Variants in CTSC observed in about 807,000 individuals in gnomAD.
CTSC encodes the protein dipeptidyl peptidase 1.
A neutral mutation model predicts 40.9 loss-of-function variants in CTSC; 37 were observed. The observed-to-expected ratio is 0.91, with a 90% CI of 0.70 to 1.19. The LOEUF is 1.19. Ranked by LOEUF, CTSC falls within the 50% of genes most tolerant of loss-of-function variation. The probability of loss-of-function intolerance (pLI) is 0.00; values close to 1 mark genes in which losing one functional copy is unlikely to be tolerated. For synonymous variants in CTSC, 232 were observed against 207.4 expected, an observed-to-expected ratio of 1.12 and a Z score of -1.02; for missense variants, 594 against 567.3, an observed-to-expected ratio of 1.05 and a Z score of -0.48.
At position 88,294,197 on chromosome 11, in the gene CTSC, C is replaced by T. The variant is rs200627023; in HGVS notation, c.1201G>A (p.Glu401Lys). The change falls in exon 7 of 7, where the codon GAG becomes AAG. Residue 401 changes from glutamate to lysine, a missense_variant. Coordinates refer to ENST00000227266, the MANE Select transcript of CTSC (RefSeq NM_001814.6). ...AGCAGAACAGCATGATTAGTCAGCT[C>T]AAAGGGGTTGAAAGGGTCTCTTAGA... ...TGLRDPFNPF[E>K]LTNHAVLLVG... 147 of 1,613,912 alleles carry T rather than the reference C, an allele frequency of 9.1e-5. No individual in the cohort carries two copies. The Middle Eastern group carries it at 2.3e-3, about 25-fold the overall frequency.
intron 5 of CTSC, 80 bp from the exon 6 acceptor site, chr11:88,296,344 C>T (rs1441282727): frequency 2.0e-6 from 3 of 1,537,470 alleles, no homozygotes; most frequent in Non-Finnish European, 2.7e-6. Flanking sequence ...TAGTGAATCA[C>T]ATACATTAAT....
chr11:88,303,034 T>C (rs989066129), intron 4 of CTSC, among the ~76,000 whole-genome samples: 3 of 152,198 alleles, frequency 2.0e-5, no homozygotes, highest in Non-Finnish European at 2.9e-5. Flanking sequence ...TCTTCTAAGA[T>C]GTATAAATAA....
intron 2 of CTSC, chr11:88,322,265 C>T (rs1203745207): frequency 1.3e-5 from 2 of 152,082 alleles, no homozygotes; most frequent in Non-Finnish European, 2.9e-5. Flanking sequence ...TCTCATTTGC[C>T]AATTTTTGCT....
chr11:88,312,381 A>C lies in CTSC; in HGVS notation c.485+7T>G, dbSNP rs758747163. 6.2e-7 allele frequency: 1 copy of C among 1,613,682 alleles called. No homozygotes were observed. Among genetic ancestry groups the C allele is most frequent in the African/African-American group, 1.3e-5 (1 of 74,928 alleles). ...ACTAAACGTATGTCTCATTTGTAGCAACTCACTTTTCCTGAGAATTCTTAA... is the reference window on the plus strand; with the variant it reads ...ACTAAACGTATGTCTCATTTGTAGCCACTCACTTTTCCTGAGAATTCTTAA... On this transcript the variant is annotated splice_region_variant and intron_variant, in intron 3 of 6. Coordinates refer to ENST00000227266, the MANE Select transcript of CTSC (RefSeq NM_001814.6).
chr11:88,333,678 T>C (rs959847300), intron 2 of CTSC, among the ~76,000 whole-genome samples: 5 of 149,252 alleles, frequency 3.4e-5, no homozygotes, highest in Admixed American at 6.7e-5. Context: ...TTTATATAGA[T>C]ACTATTGTAA....
At chr11:88,303,723 A>G (rs1937605875) in intron 4 of CTSC, among the ~76,000 whole-genome samples, 1 of 152,178 alleles carries the variant, frequency 6.6e-6, no homozygotes, top group African/African-American at 2.4e-5. Flanking sequence ...ATGTGACTGG[A>G]CATAAAGGGA....
chr11:88,302,182 C>T (rs1205700479), intron 4 of CTSC, among the ~76,000 whole-genome samples: 1 of 152,104 alleles, frequency 6.6e-6, no homozygotes, highest in African/African-American at 2.4e-5. Flanking sequence ...TCACACTGTT[C>T]TAGTTTTTCA....
intron 4 of CTSC, among the ~76,000 whole-genome samples, chr11:88,301,810 G>A (rs665137): frequency 0.46 from 54,718 of 118,008 alleles, 12,943 homozygotes; most frequent in African/African-American, 0.66. Context: ...ACACACGCGC[G>A]CACACACACA....
intron 5 of CTSC, chr11:88,298,250 T>C (rs1482130228): frequency 6.6e-6 from 1 of 152,158 alleles, no homozygotes; most frequent in African/African-American, 2.4e-5. Context: ...TTCCCTTCTC[T>C]CTTAAAAATA....
At chr11:88,312,814 A>G (rs498415) in intron 2 of CTSC, among the ~76,000 whole-genome samples, 2 of 152,218 alleles carry the variant, frequency 1.3e-5, no homozygotes, top group Non-Finnish European at 2.9e-5. Context: ...AAAACAAAAC[A>G]AAAAAGAAAG....
chr11:88,334,792 CCAA>C, intron 2 of CTSC, 142 bp downstream of exon 2: 2 of 638,774 alleles, frequency 3.1e-6, no homozygotes, highest in Non-Finnish European at 2.8e-6. Flanking sequence ...CAAAATTATA[CCAA>C]CTACTACTAC....
chr11:88,314,972 T>G (rs886618220), intron 2 of CTSC, among the ~76,000 whole-genome samples: 2 of 152,192 alleles, frequency 1.3e-5, no homozygotes, highest in African/African-American at 4.8e-5. Context: ...CAGGACATTG[T>G]TGGGCAGCAA....
chr11:88,330,034 A>C (rs751322208), intron 2 of CTSC, among the ~76,000 whole-genome samples: 65 of 152,326 alleles, frequency 4.3e-4, no homozygotes, highest in Non-Finnish European at 6.6e-4. Flanking sequence ...AGGTACTTTT[A>C]AGAAGTGCAA....
chr11:88,294,546 A>G (rs1201671942), intron 6 of CTSC, 38 bp from the exon 7 acceptor site: 5 of 1,610,636 alleles, frequency 3.1e-6, no homozygotes, highest in Middle Eastern at 1.6e-4. Flanking sequence ...CCCTTAGTAG[A>G]AAAAGGATTA....
At chr11:88,303,731 G>A (rs983175535) in intron 4 of CTSC, among the ~76,000 whole-genome samples, 3 of 152,148 alleles carry the variant, frequency 2.0e-5, no homozygotes, top group Admixed American at 2.0e-4. Flanking sequence ...GGACATAAAG[G>A]GAATGATGTA....
intron 2 of CTSC, among the ~76,000 whole-genome samples, chr11:88,334,508 C>T (rs1938439780): frequency 6.6e-6 from 1 of 152,094 alleles, no homozygotes; most frequent in African/African-American, 2.4e-5. Flanking sequence ...ATCATTTAGG[C>T]CTATCACTAC....
intron 2 of CTSC, among the ~76,000 whole-genome samples, chr11:88,314,772 C>T (rs1937839354): frequency 6.6e-6 from 1 of 152,132 alleles, no homozygotes; most frequent in Admixed American, 6.5e-5. Flanking sequence ...AGGTGATCTG[C>T]TTCCTTCAGC....
At chr11:88,298,841 A>T (rs1591221384) in intron 5 of CTSC, 2 of 152,320 alleles carry the variant, frequency 1.3e-5, no homozygotes, top group South Asian at 4.1e-4. Flanking sequence ...AATGTCAAAT[A>T]ATTTGGCTTT....
At chr11:88,303,824 T>C (rs1937606667) in intron 4 of CTSC, among the ~76,000 whole-genome samples, 1 of 152,108 alleles carries the variant, frequency 6.6e-6, no homozygotes, top group African/African-American at 2.4e-5. Flanking sequence ...AGGACATCTT[T>C]GGAAATGAAG....
Sources: allele counts gnomAD v4.1 joint callset (sites outside exome capture counted in the v4.1 genomes callset), GRCh38; gene constraint gnomAD v4.1.1; transcripts MANE v1.5; gene names NCBI Gene and HGNC (gene_info 2026-07-23, HGNC 2026-07-21).